The following DMD variants were observed in gnomAD, a reference collection of about 807,000 sequenced individuals.
The protein encoded by DMD is dystrophin, also known as mutant dystrophin.
DMD carries 63 observed loss-of-function variants against 330.1 expected under a neutral mutation model. The ratio of observed to expected loss-of-function variants is 0.19; its 90% CI spans 0.16 to 0.24. DMD has a LOEUF of 0.24. Among genes scored for constraint, DMD ranks in the 10% least tolerant of loss-of-function variants. The pLI is 1.00. For synonymous variants in DMD, 1,223 were observed against 959.8 expected, an observed-to-expected ratio of 1.27 and a Z score of -5.07; for missense variants, 3,344 against 2,684.1, an observed-to-expected ratio of 1.25 and a Z score of -5.43.
At chrX:32,675,193 T>C (rs1054329897) in intron 9 of DMD, among the ~76,000 whole-genome samples, 2 of 111,474 alleles carry the variant, frequency 1.8e-5, no homozygotes, top group South Asian at 3.7e-4. Flanking sequence ...AAATGGAATT[T>C]TTAGAAAGGA....
intron 2 of DMD, among the ~76,000 whole-genome samples, chrX:32,938,118 A>T (rs2090146650): frequency 9.0e-6 from 1 of 111,513 alleles, no homozygotes; most frequent in Non-Finnish European, 1.9e-5. Flanking sequence ...CAAAATGCGA[A>T]AACTACTGAT....
At chrX:32,099,836 T>C (rs1204920826) in intron 44 of DMD, among the ~76,000 whole-genome samples, 2 of 107,984 alleles carry the variant, frequency 1.9e-5, no homozygotes, top group Non-Finnish European at 3.8e-5. Flanking sequence ...GGCACAGGTA[T>C]ACATATGTAA....
chrX:32,096,242 C>T (rs2096505250), intron 44 of DMD, among the ~76,000 whole-genome samples: 1 of 111,875 alleles, frequency 8.9e-6, no homozygotes, highest in Admixed American at 9.5e-5. Context: ...ACAAATGTAA[C>T]ACGCCCAATG....
intron 2 of DMD, among the ~76,000 whole-genome samples, chrX:32,902,780 A>C (rs2086378626): frequency 9.0e-6 from 1 of 110,932 alleles, no homozygotes; most frequent in African/African-American, 3.3e-5. Context: ...CATGATTGAT[A>C]TAGGAAAACA....
At chrX:33,229,111 C>T (rs1315146701) in intron 1 of DMD, among the ~76,000 whole-genome samples, 1 of 110,201 alleles carries the variant, frequency 9.1e-6, no homozygotes, top group Non-Finnish European at 1.9e-5. Flanking sequence ...GTATATAGTC[C>T]CTGTTTTTGC....
chrX:33,149,291 G>A (rs1162053267), intron 1 of DMD, among the ~76,000 whole-genome samples: 1 of 111,382 alleles, frequency 9.0e-6, no homozygotes, highest in Admixed American at 9.5e-5. Context: ...AAGAGTATGC[G>A]ACCTAGATCT....
intron 62 of DMD, among the ~76,000 whole-genome samples, chrX:31,303,629 C>A (rs1486498440): frequency 9.0e-6 from 1 of 111,699 alleles, no homozygotes; most frequent in Non-Finnish European, 1.9e-5. Flanking sequence ...CAAATCCCAT[C>A]TTCTCTCACC....
chrX:31,171,198 T>C (rs748852119), intron 73 of DMD, among the ~76,000 whole-genome samples: 1 of 112,040 alleles, frequency 8.9e-6, no homozygotes, highest in East Asian at 2.8e-4. Context: ...AAAGGCTTTT[T>C]TGTTTGTTTG....
rs760172335 is a variant in DMD, at chrX:32,734,947, T to C, written c.650-35654A>G. Among the ~76,000 whole-genome samples the C allele has an allele frequency of 1.9e-3, 201 of 108,580 alleles. 1 individual carries two copies. In the South Asian group the frequency reaches 0.045, roughly 24 times the overall value. The allele number at this position is 108,580 out of a possible 115,157, so 94.3% of individuals were successfully genotyped here. A position where few individuals can be genotyped will look rare whatever the true frequency, so the allele number is the denominator to read the frequency against. On this transcript the variant is annotated intron_variant, in intron 7 of 78. Transcript: ENST00000357033. ...AGGCAGGAGAAGGAAATAAAGGGTA[T>C]TCAATTAGGAAAAGAGAAAGTCAAA... is the stretch of plus-strand genomic sequence containing the variant.
At chrX:31,925,256 C>G (rs2094753426) in intron 47 of DMD, among the ~76,000 whole-genome samples, 1 of 111,546 alleles carries the variant, frequency 9.0e-6, no homozygotes, top group African/African-American at 3.3e-5. Flanking sequence ...AAGGTTAAAA[C>G]CCCTACTGTT....
intron 62 of DMD, among the ~76,000 whole-genome samples, chrX:31,293,242 T>C (rs2053907602): frequency 1.0e-5 from 1 of 96,797 alleles, no homozygotes; most frequent in Non-Finnish European, 2.0e-5. Context: ...TGTGTGTGTG[T>C]GTGTAATCTG....
chrX:32,412,305 T>A, intron 29 of DMD: 1 of 796,090 alleles, frequency 1.3e-6, no homozygotes. Flanking sequence ...GTCATCACAA[T>A]CCAATTCAAG....
intron 48 of DMD, among the ~76,000 whole-genome samples, chrX:31,861,662 GTGTGTA>G (rs1169533076): frequency 1.0e-5 from 1 of 96,620 alleles, no homozygotes; most frequent in African/African-American, 3.9e-5. Context: ...GTGTGTGTGT[GTGTGTA>G]TATATATACA....
intron 1 of DMD, chrX:33,041,408 G>C (rs1020996095): frequency 8.4e-7 from 1 of 1,194,653 alleles, no homozygotes; most frequent in Non-Finnish European, 1.1e-6. Flanking sequence ...GCCGATCCTC[G>C]CGTGAGACAG....
intron 2 of DMD, among the ~76,000 whole-genome samples, chrX:32,935,340 T>C (rs1244348651): frequency 8.9e-6 from 1 of 112,363 alleles, no homozygotes; most frequent in Non-Finnish European, 1.9e-5. Context: ...ACTCATATAA[T>C]AACTATGGCT....
At chrX:31,775,881 C>A (rs1244129413) in intron 50 of DMD, among the ~76,000 whole-genome samples, 2 of 110,830 alleles carry the variant, frequency 1.8e-5, no homozygotes, top group Admixed American at 9.6e-5. Context: ...TTGATCAATG[C>A]AGACAGAAAA....
intron 44 of DMD, among the ~76,000 whole-genome samples, chrX:31,990,426 T>C (rs1400470627): frequency 8.9e-6 from 1 of 111,904 alleles, no homozygotes; most frequent in Non-Finnish European, 1.9e-5. Context: ...AGTACAATAT[T>C]CTCTTTGTCA....
chrX:32,083,368 C>T (rs1170552316), intron 44 of DMD, among the ~76,000 whole-genome samples: 1 of 110,171 alleles, frequency 9.1e-6, no homozygotes, highest in Non-Finnish European at 1.9e-5. Context: ...AGTGATTCTC[C>T]TGCCTCAGCC....
At chrX:33,333,576 T>A (rs2054209752) in intron 1 of DMD, among the ~76,000 whole-genome samples, 1 of 110,925 alleles carries the variant, frequency 9.0e-6, no homozygotes. Flanking sequence ...TGAGCAGAAA[T>A]TATATCTTTC....
Sources: gnomAD v4.1 joint callset for allele counts (sites outside exome capture counted in the v4.1 genomes callset) on GRCh38, gnomAD v4.1.1 for gene constraint, MANE v1.5 for transcripts, NCBI Gene and HGNC (gene_info 2026-07-23, HGNC 2026-07-21) for gene names.